CPNE5: variants seen among roughly 807,000 people sequenced by gnomAD.
CPNE5 encodes copine 5.
CPNE5 carries 42 observed loss-of-function variants against 81.1 expected under a neutral mutation model. The ratio of observed to expected loss-of-function variants is 0.52; its 90% CI spans 0.40 to 0.67. The LOEUF is 0.67. Among genes scored for constraint, CPNE5 ranks in the 30% least tolerant of loss-of-function variants. The pLI is 0.00. For missense variants in CPNE5, 612 were observed against 815.5 expected (o/e 0.75, Z 3.04); for synonymous variants, 313 against 321.5 (o/e 0.97, Z 0.28).
intron 3 of CPNE5, among the ~76,000 whole-genome samples, chr6:36,801,050 T>C (rs1770059666): frequency 6.6e-6 from 1 of 152,268 alleles, no homozygotes. Context: ...GCACTCAGAT[T>C]CCTGCCTGCT....
intron 9 of CPNE5, among the ~76,000 whole-genome samples, chr6:36,777,753 A>AC (rs35760836): frequency 8.6e-4 from 98 of 113,674 alleles, no homozygotes; most frequent in East Asian, 4.3e-3. Context: ...TCCCCTGCCT[A>AC]CCCCCCCCCC....
intron 10 of CPNE5, among the ~76,000 whole-genome samples, chr6:36,769,731 G>A (rs192570208): frequency 1.3e-5 from 2 of 152,190 alleles, no homozygotes; most frequent in Admixed American, 6.5e-5. Context: ...CGTGCCTCCC[G>A]TCTGAGCCTC....
At chr6:36,771,452 C>T (rs756629853) in intron 10 of CPNE5, among the ~76,000 whole-genome samples, 3 of 152,222 alleles carry the variant, frequency 2.0e-5, no homozygotes, top group Non-Finnish European at 4.4e-5. Context: ...TTGCAATGAG[C>T]TAATTGTTGG....
At position 36,766,249 on chromosome 6, in the gene CPNE5, C is replaced by A. The variant is rs987242525; in HGVS notation, c.738-873G>T. ...CAGAGAGGCAGCTCCCCGGGCCTAT[C>A]TTTGTTAACATCCCATCATCTCGCC... On this transcript the variant is annotated intron_variant, in intron 10 of 20. Coordinates refer to ENST00000244751, the MANE Select transcript of CPNE5 (RefSeq NM_020939.2). The surrounding 1 kb of genome is among the most constrained non-coding windows in gnomAD (Gnocchi z 4.2). 1.3e-5 allele frequency among the ~76,000 whole-genome samples: 2 copies of A among 152,172 alleles called. No homozygotes were observed. The highest frequency in any genetic ancestry group is 2.4e-5 in the African/African-American group (1 of 41,436).
rs181075568 is a variant in CPNE5 at position 36,797,152 on chromosome 6, C to T, written c.404+1013G>A. Among the ~76,000 whole-genome samples the T allele has an allele frequency of 3.7e-4, 56 of 152,326 alleles. 1 individual carries two copies. Among genetic ancestry groups the T allele is most frequent in the African/African-American group, 1.1e-3 (45 of 41,578 alleles). On this transcript the variant is annotated intron_variant, in intron 6 of 20. Transcript: ENST00000244751. Reference sequence around the variant, plus strand: ...GAACTCCTGAGCTCAGGCGATCCATCGCCTTGGCCTCCCAAAGTGCTGAGA... The same window carrying T: ...GAACTCCTGAGCTCAGGCGATCCATTGCCTTGGCCTCCCAAAGTGCTGAGA...
chr6:36,775,994 A>G (rs1255790532), intron 9 of CPNE5, among the ~76,000 whole-genome samples: 2 of 152,218 alleles, frequency 1.3e-5, no homozygotes, highest in African/African-American at 4.8e-5. Context: ...GACGATCTTT[A>G]AGACCCTTTC....
Position 36,746,217 on chromosome 6 carries a change from T to A in CPNE5, c.1200+179A>T. The A allele has an allele frequency of 1.0e-6, 1 of 985,340 alleles. No individual in the cohort carries two copies. Among genetic ancestry groups the A allele is most frequent in the South Asian group, 4.7e-5 (1 of 21,286 alleles). 61.0% of individuals were successfully genotyped at this position (985,340 alleles called of 1,614,324 possible). ...GCTTCAGACATGGAGGGGCAGCATC[T>A]GTGATCAGGGAAGGGAGTGGATTTC... On this transcript the variant is annotated intron_variant, in intron 16 of 20. Coordinates refer to ENST00000244751, the MANE Select transcript of CPNE5 (RefSeq NM_020939.2). The surrounding 1 kb of genome is among the most constrained non-coding windows in gnomAD (Gnocchi z 4.5).
At chr6:36,775,200 C>A in intron 9 of CPNE5, 135 bp from the exon 10 acceptor site, 1 of 663,298 alleles carries the variant, frequency 1.5e-6, no homozygotes, top group Non-Finnish European at 2.7e-6. Flanking sequence ...AGGTGATGAG[C>A]TGCCCATCAC....
chr6:36,754,218 T>A (rs1400524128), intron 13 of CPNE5: 1 of 141,582 alleles, frequency 7.1e-6, no homozygotes, highest in Non-Finnish European at 1.5e-5. Context: ...GATCTTCTTT[T>A]TTTTTTTTTT....
chr6:36,764,115 T>C (rs960384738), intron 11 of CPNE5, among the ~76,000 whole-genome samples: 1 of 133,706 alleles, frequency 7.5e-6, no homozygotes, highest in African/African-American at 2.7e-5. Context: ...TACACTGTAT[T>C]GTGTCTACAT....
At position 36,758,301 on chromosome 6, in the gene CPNE5, C is replaced by T. The variant is rs142449141; in HGVS notation, c.856-2003G>A. On this transcript the variant is annotated intron_variant, in intron 12 of 20. Transcript: ENST00000244751. ...ACGTGTCTGTTGCTTTTTTCTAAGA[C>T]GGGGTCTTGCTCTATGGCCCAGGCT... 3.7e-3 allele frequency among the ~76,000 whole-genome samples: 564 copies of T among 151,048 alleles called. 7 individuals carry two copies. Among genetic ancestry groups the T allele is most frequent in the African/African-American group, 0.013 (518 of 41,206 alleles).
chr6:36,803,592 T>C lies in CPNE5; in HGVS notation c.184-3522A>G, dbSNP rs145530072. ...GAGCGGTTTTAAACATTTTGTGCCG[T>C]ATGGATATTGACCGATTTTGCATCT... On this transcript the variant is annotated intron_variant, in intron 3 of 20. Transcript: ENST00000244751. Among the ~76,000 whole-genome samples the C allele has an allele frequency of 3.7e-3, 569 of 152,316 alleles. 1 individual carries two copies. The highest frequency in any genetic ancestry group is 0.012 in the African/African-American group (505 of 41,572).
At position 36,743,799 on chromosome 6, in the gene CPNE5, T is replaced by A. The variant is rs9357225; in HGVS notation, c.1490-37A>T. ...GGAGTGTCATGGGGCGGGGTGAGAT[T>A]AACGGTGGACCCCTGGCCCTAGCAG... On this transcript the variant is annotated intron_variant, in intron 19 of 20. Coordinates refer to ENST00000244751, the MANE Select transcript of CPNE5 (RefSeq NM_020939.2). The A allele has an allele frequency of 2.9e-5, 46 of 1,563,890 alleles. No homozygotes were observed. In the East Asian group the frequency reaches 7.8e-4, roughly 27 times the overall value.
At chr6:36,758,856 C>T (rs942735980) in intron 12 of CPNE5, among the ~76,000 whole-genome samples, 6 of 152,186 alleles carry the variant, frequency 3.9e-5, no homozygotes, top group African/African-American at 9.7e-5. Flanking sequence ...GGTGAGAGAG[C>T]CCGGGAGAGA....
intron 13 of CPNE5, among the ~76,000 whole-genome samples, chr6:36,754,069 G>A (rs926719988): frequency 2.0e-5 from 3 of 149,708 alleles, no homozygotes; most frequent in South Asian, 4.3e-4. Flanking sequence ...TTCCAAGTGT[G>A]GCAGCTCAGA....
chr6:36,751,587 C>T (rs1432786135), intron 14 of CPNE5, among the ~76,000 whole-genome samples: 2 of 152,072 alleles, frequency 1.3e-5, no homozygotes, highest in Non-Finnish European at 2.9e-5. Context: ...GTCAGGAGTT[C>T]GAGACCAGCC....
rs775724435 is a variant in CPNE5 at position 36,765,345 on chromosome 6, G to T, written c.769C>A (p.Arg257=). The T allele has an allele frequency of 7.4e-6, 12 of 1,614,046 alleles. No homozygotes were observed. Among genetic ancestry groups the T allele is most frequent in the Non-Finnish European group, 8.5e-6 (10 of 1,179,940 alleles). Residue 257 remains arginine (R), a synonymous_variant, in exon 11 of 21, where the codon CGG becomes AGG. Coordinates refer to ENST00000244751, the MANE Select transcript of CPNE5 (RefSeq NM_020939.2). ...CTCCTGCCTGCTTACCTGCCGTCCC[G>T]ATCCCAGTCGTACACCTCCACCTTG... ...TIKVEVYDWD[R]DGSHDFIGEF... is the part of the protein sequence containing the mutation.
chr6:36,806,829 T>A (rs1295672335), intron 3 of CPNE5, among the ~76,000 whole-genome samples: 1 of 152,204 alleles, frequency 6.6e-6, no homozygotes, highest in Non-Finnish European at 1.5e-5. Flanking sequence ...ACCAATGTCC[T>A]GTGCCAGCCC....
intron 11 of CPNE5, 115 bp from the exon 12 acceptor site, chr6:36,763,107 C>G: frequency 1.1e-6 from 1 of 870,636 alleles, no homozygotes; most frequent in Non-Finnish European, 1.9e-6. Context: ...GACTCCACTC[C>G]AGGGGCACAC....
Sources: allele counts gnomAD v4.1 joint callset (sites outside exome capture counted in the v4.1 genomes callset), GRCh38; gene constraint gnomAD v4.1.1; non-coding constraint Gnocchi (gnomAD v3.1); transcripts MANE v1.5; gene names NCBI Gene and HGNC (gene_info 2026-07-23, HGNC 2026-07-21).